Variants in COL23A1 observed in about 807,000 individuals in gnomAD.
COL23A1 encodes collagen alpha-1(XXIII) chain.
COL23A1 carries 97 observed loss-of-function variants against 99.3 expected under a neutral mutation model. That is an observed-to-expected ratio of 0.98 (90% CI 0.83 to 1.16). The LOEUF (loss-of-function observed/expected upper bound fraction) is 1.16, where lower values mean the gene tolerates loss of function less well. COL23A1 is among the 50% of genes most tolerant of loss of function. COL23A1 has a pLI of 0.00. For missense variants in COL23A1, 762 were observed against 757.4 expected, an observed-to-expected ratio of 1.01 and a Z score of -0.07; for synonymous variants, 320 against 308.2, an observed-to-expected ratio of 1.04 and a Z score of -0.40.
chr5:178,385,113 T>G (rs1210614090), intron 2 of COL23A1, among the ~76,000 whole-genome samples: 1 of 152,112 alleles, frequency 6.6e-6, no homozygotes, highest in Non-Finnish European at 1.5e-5. Flanking sequence ...GGGGTGGGGT[T>G]ATCACCCACA....
At chr5:178,277,408 T>A (rs999579965) in intron 5 of COL23A1, among the ~76,000 whole-genome samples, 3 of 152,196 alleles carry the variant, frequency 2.0e-5, no homozygotes, top group African/African-American at 7.2e-5. Flanking sequence ...AATGAATTAG[T>A]CACATTTAAA....
intron 2 of COL23A1, among the ~76,000 whole-genome samples, chr5:178,355,742 G>A (rs139968415): frequency 7.2e-5 from 11 of 152,210 alleles, no homozygotes; most frequent in Middle Eastern, 6.8e-3. Context: ...CGCCCGCCTC[G>A]GCCTCCCAAA....
intron 2 of COL23A1, among the ~76,000 whole-genome samples, chr5:178,317,665 T>C (rs1460312448): frequency 6.6e-6 from 1 of 152,246 alleles, no homozygotes; most frequent in East Asian, 1.9e-4. Context: ...TCATGTTTCA[T>C]TGTAAGATCT....
chr5:178,336,579 C>G (rs763353736), intron 2 of COL23A1, among the ~76,000 whole-genome samples: 1 of 152,076 alleles, frequency 6.6e-6, no homozygotes, highest in Non-Finnish European at 1.5e-5. Context: ...ACGCAGAGGC[C>G]GGGGAGAGCC....
chr5:178,329,416 C>A lies in COL23A1; in HGVS notation c.362-22497G>T, dbSNP rs751089039. 8.7e-4 allele frequency among the ~76,000 whole-genome samples: 133 copies of A among 152,254 alleles called. 1 individual carries two copies. Among genetic ancestry groups the A allele is most frequent in the Middle Eastern group, 3.4e-3 (1 of 294 alleles). Reference sequence around the variant, plus strand: ...GCCCTAGACTCTCCACAAGCCAGGCCCCAGGCTCCCCCTGCCAGCCAGGAG... The same window carrying A: ...GCCCTAGACTCTCCACAAGCCAGGCACCAGGCTCCCCCTGCCAGCCAGGAG... On this transcript the variant is annotated intron_variant, in intron 2 of 28. Coordinates refer to ENST00000390654, the MANE Select transcript of COL23A1 (RefSeq NM_173465.4).
chr5:178,518,628 CGGGCAGAGACGCTCCTCACTTCCT>C (rs1759741155), intron 2 of COL23A1, among the ~76,000 whole-genome samples: 6 of 127,270 alleles, frequency 4.7e-5, no homozygotes, highest in Non-Finnish European at 8.1e-5. Context: ...GATGGGCGGC[CGGGCAGAGACGCTCCTCACTTCCT>C]AGATGGGATG....
chr5:178,526,337 C>T (rs1000455451), intron 2 of COL23A1, among the ~76,000 whole-genome samples: 1 of 152,228 alleles, frequency 6.6e-6, no homozygotes, highest in African/African-American at 2.4e-5. Context: ...CACACCCTCT[C>T]AGTTACAGTG....
At chr5:178,319,665 G>A (rs1365574559) in intron 2 of COL23A1, among the ~76,000 whole-genome samples, 4 of 152,244 alleles carry the variant, frequency 2.6e-5, no homozygotes, top group African/African-American at 7.2e-5. Flanking sequence ...CCTCGGAACC[G>A]TGGACCAGCG....
chr5:178,289,305 G>A (rs1047469160), intron 4 of COL23A1, among the ~76,000 whole-genome samples: 5 of 152,168 alleles, frequency 3.3e-5, no homozygotes, highest in South Asian at 2.1e-4. Flanking sequence ...GGGATTTACC[G>A]GGCTCTGAAA....
At chr5:178,300,909 A>C (rs1757998254) in intron 3 of COL23A1, among the ~76,000 whole-genome samples, 1 of 152,166 alleles carries the variant, frequency 6.6e-6, no homozygotes, top group Non-Finnish European at 1.5e-5. Flanking sequence ...TGATGTGCTT[A>C]GGTATGTATC....
chr5:178,468,361 A>C lies in COL23A1; in HGVS notation c.361+92321T>G, dbSNP rs918678507. 6.6e-6 allele frequency among the ~76,000 whole-genome samples: 1 copy of C among 152,202 alleles called. No individual in the cohort carries two copies. Among genetic ancestry groups the C allele is most frequent in the African/African-American group, 2.4e-5 (1 of 41,466 alleles). On this transcript the variant is annotated intron_variant, in intron 2 of 28. Coordinates refer to ENST00000390654, the MANE Select transcript of COL23A1 (RefSeq NM_173465.4). The surrounding 1 kb of genome is among the most constrained non-coding windows in gnomAD (Gnocchi z 4.2). The stretch of plus-strand genomic sequence containing the variant: ...AGGTGCAAGACAGGGAGGGGATGGA[A>C]GCCAGCACGTGGGTCAAAGGGCGAT...
chr5:178,556,101 G>A (rs755020520), intron 2 of COL23A1, among the ~76,000 whole-genome samples: 60 of 152,254 alleles, frequency 3.9e-4, no homozygotes, highest in South Asian at 4.1e-4. Flanking sequence ...TGACCCAAAC[G>A]TCCTTGGCGG....
Position 178,308,256 on chromosome 5 carries a change from C to T in COL23A1, c.362-1337G>A, listed in dbSNP as rs545645701. On this transcript the variant is annotated intron_variant, in intron 2 of 28. Coordinates refer to ENST00000390654, the MANE Select transcript of COL23A1 (RefSeq NM_173465.4). This position sits in a 1 kb window ranked among gnomAD's most constrained non-coding sequence, Gnocchi z 5.1. Reference sequence around the variant, plus strand: ...GTGGAGAGGGGCCCTCAGTGCTACACGACACGTCAAAAGATTTGCAGGCCC... The same window carrying T: ...GTGGAGAGGGGCCCTCAGTGCTACATGACACGTCAAAAGATTTGCAGGCCC... 5.9e-5 allele frequency among the ~76,000 whole-genome samples: 9 copies of T among 152,176 alleles called. No homozygotes were observed. The highest frequency in any genetic ancestry group is 1.9e-4 in the African/African-American group (8 of 41,514).
At chr5:178,388,155 C>T (rs1433533664) in intron 2 of COL23A1, among the ~76,000 whole-genome samples, 1 of 152,182 alleles carries the variant, frequency 6.6e-6, no homozygotes, top group African/African-American at 2.4e-5. Flanking sequence ...CCCTGAAATG[C>T]CTTTAACAGA....
chr5:178,509,675 C>T (rs117339046), intron 2 of COL23A1, among the ~76,000 whole-genome samples: 6 of 152,132 alleles, frequency 3.9e-5, no homozygotes, highest in Non-Finnish European at 7.3e-5. Context: ...CTGACCTTCC[C>T]GCTGTGGCCA....
At chr5:178,447,942 T>C (rs1274273533) in intron 2 of COL23A1, among the ~76,000 whole-genome samples, 1 of 152,120 alleles carries the variant, frequency 6.6e-6, no homozygotes, top group South Asian at 2.1e-4. Flanking sequence ...ACTTGGAGCA[T>C]GAACAGAGAT....
chr5:178,347,419 C>T (rs1378364662), intron 2 of COL23A1, among the ~76,000 whole-genome samples: 5 of 137,794 alleles, frequency 3.6e-5, no homozygotes, highest in East Asian at 2.5e-4. Context: ...GCCTGGGGGA[C>T]GGGCATGGGG....
intron 9 of COL23A1, 22 bp from the exon 10 acceptor site, chr5:178,262,274 G>T: frequency 6.4e-7 from 1 of 1,574,084 alleles, no homozygotes; most frequent in Non-Finnish European, 8.6e-7. Flanking sequence ...TGAGGGGACA[G>T]CAGTGAAGGA....
intron 2 of COL23A1, among the ~76,000 whole-genome samples, chr5:178,372,930 C>CTTT (rs1183891249): frequency 3.4e-5 from 2 of 58,874 alleles, no homozygotes; most frequent in Non-Finnish European, 6.1e-5. Context: ...CTTTTTCTTT[C>CTTT]TTTTTTTTTT....
Sources: gnomAD v4.1 joint callset for allele counts (sites outside exome capture counted in the v4.1 genomes callset) on GRCh38, gnomAD v4.1.1 for gene constraint, Gnocchi (gnomAD v3.1) non-coding constraint, MANE v1.5 for transcripts, NCBI Gene and HGNC (gene_info 2026-07-23, HGNC 2026-07-21) for gene names.